The following MAML2 variants were observed in gnomAD, a reference collection of about 807,000 sequenced individuals.
MAML2 encodes the protein mastermind-like protein 2.
Under a neutral mutation model 96.1 loss-of-function variants are expected in MAML2, and 22 were observed. That is an observed-to-expected ratio of 0.23 (90% CI 0.16 to 0.33). MAML2 has a LOEUF of 0.33. Among genes scored for constraint, MAML2 ranks in the 10% least tolerant of loss-of-function variants. The probability of loss-of-function intolerance (pLI) is 1.00; values close to 1 mark genes in which losing one functional copy is unlikely to be tolerated. For synonymous variants in MAML2, 561 were observed against 521.3 expected (o/e 1.08, Z -1.04); for missense variants, 1,367 against 1,392.4 (o/e 0.98, Z 0.29).
At chr11:96,019,077 T>C (rs568097881) in intron 2 of MAML2, among the ~76,000 whole-genome samples, 13 of 151,818 alleles carry the variant, frequency 8.6e-5, no homozygotes, top group African/African-American at 2.4e-4. Context: ...AGCAGAAAAA[T>C]AGAGAGGTAG....
chr11:95,986,389 A>G (rs1231236895), intron 3 of MAML2, among the ~76,000 whole-genome samples: 2 of 151,222 alleles, frequency 1.3e-5, no homozygotes, highest in African/African-American at 4.9e-5. Flanking sequence ...TTTAATAGAG[A>G]TGGGCTTTTA....
At chr11:96,016,758 A>G (rs890104128) in intron 2 of MAML2, among the ~76,000 whole-genome samples, 8 of 152,170 alleles carry the variant, frequency 5.3e-5, no homozygotes, top group Non-Finnish European at 8.8e-5. Context: ...GGGTCCATAT[A>G]ATAACTATTG....
At chr11:96,328,640 A>G (rs1359204699) in intron 1 of MAML2, among the ~76,000 whole-genome samples, 1 of 152,184 alleles carries the variant, frequency 6.6e-6, no homozygotes, top group African/African-American at 2.4e-5. Flanking sequence ...GGACTGTGTT[A>G]CCGTAAAAAT....
At chr11:96,086,134 C>G (rs1371187655) in intron 2 of MAML2, among the ~76,000 whole-genome samples, 1 of 152,168 alleles carries the variant, frequency 6.6e-6, no homozygotes, top group Non-Finnish European at 1.5e-5. Context: ...ATACCTCCTT[C>G]AGATCAAAAG....
intron 1 of MAML2, among the ~76,000 whole-genome samples, chr11:96,173,997 C>T (rs888509300): frequency 9.2e-5 from 14 of 152,242 alleles, no homozygotes; most frequent in East Asian, 5.8e-4. Context: ...TGGAGTAAAA[C>T]GGTGATGAAA....
chr11:96,241,870 ATTAG>A (rs1362464427), intron 1 of MAML2, among the ~76,000 whole-genome samples: 4 of 152,134 alleles, frequency 2.6e-5, no homozygotes, highest in Admixed American at 6.6e-5. Flanking sequence ...TCTGGTTTGA[ATTAG>A]TTTGTTTGGT....
chr11:96,046,541 A>G (rs946453361), intron 2 of MAML2, among the ~76,000 whole-genome samples: 2 of 152,318 alleles, frequency 1.3e-5, no homozygotes, highest in Middle Eastern at 3.4e-3. Flanking sequence ...GACTTAGATG[A>G]TAGCAGCTCT....
intron 1 of MAML2, among the ~76,000 whole-genome samples, chr11:96,212,143 G>GTA (rs1861981864): frequency 2.0e-5 from 3 of 149,204 alleles, no homozygotes; most frequent in African/African-American, 7.4e-5. Context: ...GTGTGTGTGT[G>GTA]TGTGTGTGGA....
intron 1 of MAML2, among the ~76,000 whole-genome samples, chr11:96,247,405 C>T (rs1862525973): frequency 6.6e-6 from 1 of 151,896 alleles, no homozygotes; most frequent in African/African-American, 2.4e-5. Context: ...ATCTTATATC[C>T]CCACCCCAAC....
At chr11:96,181,784 TA>T (rs1861490681) in intron 1 of MAML2, among the ~76,000 whole-genome samples, 1 of 31,844 alleles carries the variant, frequency 3.1e-5, no homozygotes, top group Admixed American at 3.3e-4. Context: ...ATACTGAAGA[TA>T]CTGAGTATGC....
chr11:96,305,415 G>A (rs1863449751), intron 1 of MAML2, among the ~76,000 whole-genome samples: 1 of 152,198 alleles, frequency 6.6e-6, no homozygotes, highest in Non-Finnish European at 1.5e-5. Flanking sequence ...TCTGGTGGAG[G>A]ATGGTGATAA....
intron 2 of MAML2, among the ~76,000 whole-genome samples, chr11:96,079,259 TAA>T (rs1330084823): frequency 2.0e-5 from 3 of 152,236 alleles, no homozygotes; most frequent in African/African-American, 7.2e-5. Flanking sequence ...GAAAATAATT[TAA>T]GTCTTTAACC....
chr11:96,288,346 A>C (rs1274394681), intron 1 of MAML2, among the ~76,000 whole-genome samples: 1 of 152,160 alleles, frequency 6.6e-6, no homozygotes, highest in Non-Finnish European at 1.5e-5. Flanking sequence ...GTTTGAGACC[A>C]GCCTGGCCAA....
At chr11:96,159,173 A>G (rs1015129330) in intron 1 of MAML2, among the ~76,000 whole-genome samples, 5 of 152,222 alleles carry the variant, frequency 3.3e-5, no homozygotes. Context: ...GTCAGTTTTT[A>G]CTTAGATGGC....
intron 1 of MAML2, among the ~76,000 whole-genome samples, chr11:96,222,681 C>T (rs1191762416): frequency 6.6e-6 from 1 of 152,134 alleles, no homozygotes; most frequent in African/African-American, 2.4e-5. Context: ...ACCTTGATAA[C>T]CCCAAAAGTT....
chr11:96,154,423 G>T (rs1423187267), intron 1 of MAML2, among the ~76,000 whole-genome samples: 4 of 152,144 alleles, frequency 2.6e-5, no homozygotes, highest in African/African-American at 9.7e-5. Flanking sequence ...CATTATCCAG[G>T]TTCAATTTGA....
intron 1 of MAML2, among the ~76,000 whole-genome samples, chr11:96,245,104 A>G (rs1300124019): frequency 3.9e-5 from 6 of 152,204 alleles, no homozygotes; most frequent in African/African-American, 1.4e-4. Context: ...CATACAAAAT[A>G]TAATACTCAG....
intron 2 of MAML2, among the ~76,000 whole-genome samples, chr11:96,011,994 A>G (rs1414672013): frequency 6.6e-6 from 1 of 152,222 alleles, no homozygotes; most frequent in Admixed American, 6.5e-5. Context: ...TTTTTATTCC[A>G]TTACTACCAT....
intron 2 of MAML2, among the ~76,000 whole-genome samples, chr11:96,025,330 T>A (rs766394672): frequency 3.9e-5 from 6 of 152,102 alleles, no homozygotes; most frequent in Non-Finnish European, 7.3e-5. Flanking sequence ...TTCTCACTTA[T>A]GAGTAGGAGC....
Sources: gnomAD v4.1 joint callset for allele counts (sites outside exome capture counted in the v4.1 genomes callset) on GRCh38, gnomAD v4.1.1 for gene constraint, MANE v1.5 for transcripts, NCBI Gene and HGNC (gene_info 2026-07-23, HGNC 2026-07-21) for gene names.